GRM4: variants seen among roughly 807,000 people sequenced by gnomAD.
The protein encoded by GRM4 is metabotropic glutamate receptor 4.
GRM4 carries 28 observed loss-of-function variants against 81.7 expected under a neutral mutation model. That is an observed-to-expected ratio of 0.34 (90% CI 0.25 to 0.47). The LOEUF (loss-of-function observed/expected upper bound fraction) is 0.47, where lower values mean the gene tolerates loss of function less well. Among genes scored for constraint, GRM4 ranks in the 20% least tolerant of loss-of-function variants. GRM4 has a pLI of 1.00. For synonymous variants in GRM4, 488 were observed against 528.8 expected, an observed-to-expected ratio of 0.92 and a Z score of 1.06; for missense variants, 948 against 1,290.0, an observed-to-expected ratio of 0.73 and a Z score of 4.06.
chr6:34,061,604 G>A (rs773955991), intron 4 of GRM4: 13 of 336,590 alleles, frequency 3.9e-5, no homozygotes, highest in South Asian at 1.5e-4. Context: ...TAAGTGGTCC[G>A]GCCCCAAGCT....
chr6:34,132,177 G>A (rs1193431274), intron 2 of GRM4, among the ~76,000 whole-genome samples: 1 of 152,206 alleles, frequency 6.6e-6, no homozygotes. Context: ...GCGGCAAGGA[G>A]GGGGCTGGGA....
intron 10 of GRM4, chr6:34,024,843 A>C (rs1764054566): frequency 2.2e-5 from 10 of 449,138 alleles, no homozygotes; most frequent in Non-Finnish European, 4.0e-5. Flanking sequence ...ATCCAAAAAA[A>C]GAATAAGAAC....
chr6:34,058,854 CAAGGAAGAGAA>C, intron 5 of GRM4, 109 bp downstream of exon 5: 1 of 786,118 alleles, frequency 1.3e-6, no homozygotes, highest in Non-Finnish European at 2.0e-6. Context: ...GGCTGTGGGC[CAAGGAAGAGAA>C]AAGGAAGGAT....
At chr6:34,072,716 T>C (rs1767009743) in intron 3 of GRM4, among the ~76,000 whole-genome samples, 2 of 70,726 alleles carry the variant, frequency 2.8e-5, no homozygotes, top group Non-Finnish European at 2.6e-5. Context: ...CACACACATA[T>C]CACCACAGAT....
chr6:34,098,490 G>A (rs1259353521), intron 2 of GRM4, among the ~76,000 whole-genome samples: 3 of 152,174 alleles, frequency 2.0e-5, no homozygotes, highest in African/African-American at 7.2e-5. Flanking sequence ...GCCACCTCTG[G>A]CCACCAGCCT....
Position 34,042,619 on chromosome 6 carries a change from C to A in GRM4, c.1169-1871G>T, listed in dbSNP as rs1765068510. 1.3e-5 allele frequency among the ~76,000 whole-genome samples: 2 copies of A among 152,208 alleles called. No homozygotes were observed. The highest frequency in any genetic ancestry group is 2.4e-5 in the African/African-American group (1 of 41,446). ...GTGCCTCTCAGCTAGAGGGCACATGCCACACTGCACAGAGGCAATTCCCCA... is the reference window on the plus strand; with the variant it reads ...GTGCCTCTCAGCTAGAGGGCACATGACACACTGCACAGAGGCAATTCCCCA... On this transcript the variant is annotated intron_variant, in intron 6 of 10. Coordinates refer to ENST00000538487, the MANE Select transcript of GRM4 (RefSeq NM_000841.4). The surrounding 1 kb of genome is among the most constrained non-coding windows in gnomAD (Gnocchi z 4.2).
At position 34,019,567 on chromosome 6, in the gene GRM4, C is replaced by T. The variant is rs1330495901; in HGVS notation, c.*3254G>A. ...CAGCGTCTCTATTGTCTAGAAGTTC[C>T]CCTGCTGGTTAGAAAGTGTGCTGTG... is the stretch of plus-strand genomic sequence containing the variant. On this transcript the variant is annotated 3_prime_UTR_variant, in exon 11 of 11. Transcript: ENST00000538487. 1 of 152,208 alleles carries T rather than the reference C, an allele frequency of 6.6e-6. No individual in the cohort carries two copies. The highest frequency in any genetic ancestry group is 1.5e-5 in the Non-Finnish European group (1 of 68,088). The allele number at this position is 152,208 out of a possible 1,614,324, so 9.4% of individuals were successfully genotyped here. A position where few individuals can be genotyped will look rare whatever the true frequency, so the allele number is the denominator to read the frequency against.
chr6:34,122,622 G>C (rs546037650), intron 2 of GRM4, among the ~76,000 whole-genome samples: 24 of 145,944 alleles, frequency 1.6e-4, no homozygotes, highest in East Asian at 4.3e-4. Context: ...GGCGGGGGGT[G>C]GGGGGGGCAG....
Position 34,078,186 on chromosome 6 carries a change from G to A in GRM4, c.736+13697C>T, listed in dbSNP as rs775842363. On this transcript the variant is annotated intron_variant, in intron 3 of 10. Transcript: ENST00000538487. This position sits in a 1 kb window ranked among gnomAD's most constrained non-coding sequence, Gnocchi z 4.8. Reference sequence around the variant, plus strand: ...TTAATTAACTAACATTTGACCTATTGTCCGGAAGGCTCCCGGACCCATCTC... The same window carrying A: ...TTAATTAACTAACATTTGACCTATTATCCGGAAGGCTCCCGGACCCATCTC... Among the ~76,000 whole-genome samples, 6 of 152,240 alleles carry A rather than the reference G, an allele frequency of 3.9e-5. No homozygotes were observed. Among genetic ancestry groups the A allele is most frequent in the Admixed American group, 1.3e-4 (2 of 15,306 alleles).
intron 2 of GRM4, among the ~76,000 whole-genome samples, chr6:34,124,422 G>A (rs1352136836): frequency 1.3e-5 from 2 of 152,194 alleles, no homozygotes; most frequent in African/African-American, 4.8e-5. Context: ...TTGTGATTCT[G>A]CAGGACACTG....
At position 34,040,607 on chromosome 6, in the gene GRM4, C is replaced by G. The variant is rs375027225; in HGVS notation, c.1310G>C (p.Arg437Pro). ...CTGGGTGCCATCTACAGGGTCCATG[C>G]GCGGGCAGAGCCCCACGCGGCCGGG... Reference protein sequence around the residue: ...LCPGRVGLCPRMDPVDGTQLL... With the variant: ...LCPGRVGLCPPMDPVDGTQLL... The change falls in exon 7 of 11, where the codon CGC becomes CCC. Residue 437 changes from arginine (R) to proline (P), a missense_variant. By Grantham distance (103) the Arg-to-Pro change is moderately radical (BLOSUM62 -2). Coordinates refer to ENST00000538487, the MANE Select transcript of GRM4 (RefSeq NM_000841.4). The G allele has an allele frequency of 6.2e-7, 1 of 1,613,942 alleles. No individual in the cohort carries two copies. Among genetic ancestry groups the G allele is most frequent in the African/African-American group, 1.3e-5 (1 of 74,926 alleles).
Position 34,068,337 on chromosome 6 carries a change from C to T in GRM4, c.737-6309G>A, listed in dbSNP as rs936551082. On this transcript the variant is annotated intron_variant, in intron 3 of 10. Transcript: ENST00000538487. This position sits in a 1 kb window ranked among gnomAD's most constrained non-coding sequence, Gnocchi z 4.2. ...GAACACTCTGGACTTGTAAATCCCA[C>T]TTACCTTCAAGTGAGGCGGGACGTG... Among the ~76,000 whole-genome samples the T allele has an allele frequency of 4.6e-5, 7 of 152,188 alleles. No homozygotes were observed. The highest frequency in any genetic ancestry group is 1.7e-4 in the African/African-American group (7 of 41,436).
In GRM4 at chr6:34,077,284, A is replaced by G. The variant is rs527356036; in HGVS notation, c.736+14599T>C. On this transcript the variant is annotated intron_variant, in intron 3 of 10. Coordinates refer to ENST00000538487, the MANE Select transcript of GRM4 (RefSeq NM_000841.4). ...GGATTTGCCCGAGGCTGACCAGCAC[A>G]TGCCGCTCTCACACATTCTGCCCAG... 1.9e-4 allele frequency among the ~76,000 whole-genome samples: 29 copies of G among 152,230 alleles called. No individual in the cohort carries two copies. In the East Asian group the frequency reaches 5.6e-3, roughly 29 times the overall value.
chr6:34,025,293 ATC>A (rs1391392621), intron 10 of GRM4, among the ~76,000 whole-genome samples: 3 of 152,146 alleles, frequency 2.0e-5, no homozygotes, highest in Non-Finnish European at 2.9e-5. Context: ...GCTGGTGAGA[ATC>A]AATTCCCCAG....
chr6:34,057,576 G>T (rs1043650481), intron 5 of GRM4, among the ~76,000 whole-genome samples: 1 of 152,228 alleles, frequency 6.6e-6, no homozygotes, highest in Non-Finnish European at 1.5e-5. Flanking sequence ...CTACCCACTG[G>T]AGGCCAGCAG....
In GRM4 at chr6:34,028,387, G is replaced by A. The variant is rs1159218166; in HGVS notation, c.2443-21C>T. Reference sequence around the variant, plus strand: ...TACAGCTGGCGGAGGGCACGGTGGCGTCAGAGCAGGCTCTGCCCCGACTGA... The same window carrying A: ...TACAGCTGGCGGAGGGCACGGTGGCATCAGAGCAGGCTCTGCCCCGACTGA... On this transcript the variant is annotated intron_variant, in intron 9 of 10. Coordinates refer to ENST00000538487, the MANE Select transcript of GRM4 (RefSeq NM_000841.4). The A allele has an allele frequency of 8.7e-6, 14 of 1,603,212 alleles. No individual in the cohort carries two copies. In the Admixed American group the frequency reaches 1.0e-4, roughly 11 times the overall value.
chr6:34,124,694 G>A (rs1326583618), intron 2 of GRM4, among the ~76,000 whole-genome samples: 2 of 152,206 alleles, frequency 1.3e-5, no homozygotes, highest in African/African-American at 2.4e-5. Flanking sequence ...CAGCTGAGAC[G>A]GACCGCTGCT....
chr6:34,116,715 G>A (rs899235950), intron 2 of GRM4, among the ~76,000 whole-genome samples: 2 of 152,186 alleles, frequency 1.3e-5, no homozygotes, highest in Non-Finnish European at 2.9e-5. Flanking sequence ...GTACACAAAT[G>A]TTAAGAGTGG....
rs1298413002 is a variant in GRM4, at chr6:34,074,828, G to T, written c.737-12800C>A. 6.6e-6 allele frequency among the ~76,000 whole-genome samples: 1 copy of T among 152,194 alleles called. No homozygotes were observed. Among genetic ancestry groups the T allele is most frequent in the Non-Finnish European group, 1.5e-5 (1 of 68,036 alleles). On this transcript the variant is annotated intron_variant, in intron 3 of 10. Transcript: ENST00000538487. The surrounding 1 kb of genome is among the most constrained non-coding windows in gnomAD (Gnocchi z 4.9). ...GGCAGGAGGGGCCTGGATGGGGCAG[G>T]ACACAAAGAGATGGCTGGTTCCTGG...
Sources: allele counts gnomAD v4.1 joint callset (sites outside exome capture counted in the v4.1 genomes callset), GRCh38; gene constraint gnomAD v4.1.1; non-coding constraint Gnocchi (gnomAD v3.1); transcripts MANE v1.5; gene names NCBI Gene and HGNC (gene_info 2026-07-23, HGNC 2026-07-21).